PIGK: variants seen among roughly 807,000 people sequenced by gnomAD.
PIGK encodes phosphatidylinositol glycan anchor biosynthesis class K, also known as GPI-anchor transamidase.
In PIGK, 42 loss-of-function variants were observed where a neutral mutation model predicts 50.6. That is an observed-to-expected ratio of 0.83 (90% CI 0.65 to 1.07). The LOEUF (loss-of-function observed/expected upper bound fraction) is 1.07. Among genes scored for constraint, PIGK ranks in the 50% least tolerant of loss-of-function variants. PIGK has a pLI of 0.00. For synonymous variants in PIGK, 151 were observed against 156.0 expected, an observed-to-expected ratio of 0.97 and a Z score of 0.24; for missense variants, 448 against 488.7, an observed-to-expected ratio of 0.92 and a Z score of 0.78.
chr1:77,192,634 C>A (rs1239454836), intron 3 of PIGK, among the ~76,000 whole-genome samples: 1 of 151,794 alleles, frequency 6.6e-6, no homozygotes, highest in East Asian at 1.9e-4. Context: ...TAGTAGATAA[C>A]CACATTAAAA....
intron 3 of PIGK, among the ~76,000 whole-genome samples, chr1:77,196,450 T>C (rs576981870): frequency 6.6e-6 from 1 of 152,262 alleles, no homozygotes; most frequent in South Asian, 2.1e-4. Flanking sequence ...ACAGTGTAAA[T>C]GTGTCCCCTT....
At chr1:77,161,859 A>T in intron 6 of PIGK, 148 bp from the exon 7 acceptor site, 1 of 620,298 alleles carries the variant, frequency 1.6e-6, no homozygotes, top group South Asian at 2.0e-5. Context: ...CAGAAATTTG[A>T]CCTCAGAAAA....
In PIGK at chr1:77,212,386, T is replaced by C. The variant is rs370320420; in HGVS notation, c.94-1897A>G. Among the ~76,000 whole-genome samples the C allele has an allele frequency of 2.3e-4, 35 of 152,274 alleles. No individual in the cohort carries two copies. In the East Asian group the frequency reaches 5.6e-3, roughly 24 times the overall value. On this transcript the variant is annotated intron_variant, in intron 1 of 10. Coordinates refer to ENST00000370812, the MANE Select transcript of PIGK (RefSeq NM_005482.3). ...ATAATATTATCTGACTCAGAGAATG[T>C]AGGAATAGTGACTGGAACATACTAC...
intron 10 of PIGK, among the ~76,000 whole-genome samples, chr1:77,116,671 G>A (rs1653980628): frequency 1.3e-5 from 2 of 151,648 alleles, no homozygotes. Context: ...TGTCACAACA[G>A]AAATAATAGT....
At chr1:77,200,952 G>A (rs998390587) in intron 3 of PIGK, among the ~76,000 whole-genome samples, 3 of 152,144 alleles carry the variant, frequency 2.0e-5, no homozygotes, top group Admixed American at 1.3e-4. Context: ...TTACAAGAGA[G>A]GGAGGGGAAT....
chr1:77,210,109 C>T (rs1011519582), intron 2 of PIGK, among the ~76,000 whole-genome samples: 3 of 151,974 alleles, frequency 2.0e-5, no homozygotes, highest in African/African-American at 7.2e-5. Flanking sequence ...TATCTATCAA[C>T]TAATACTATA....
At chr1:77,186,742 C>T (rs562350409) in intron 3 of PIGK, among the ~76,000 whole-genome samples, 10 of 152,232 alleles carry the variant, frequency 6.6e-5, no homozygotes, top group Non-Finnish European at 1.3e-4. Flanking sequence ...GGAGGTTACA[C>T]AGGAGTTCAG....
chr1:77,140,349 C>T (rs1004189299), intron 9 of PIGK, among the ~76,000 whole-genome samples: 15 of 151,964 alleles, frequency 9.9e-5, no homozygotes, highest in Admixed American at 3.9e-4. Flanking sequence ...CCCCCTGCCC[C>T]GCTCACTTAC....
At chr1:77,194,218 T>C (rs561988153) in intron 3 of PIGK, among the ~76,000 whole-genome samples, 1 of 152,302 alleles carries the variant, frequency 6.6e-6, no homozygotes, top group South Asian at 2.1e-4. Context: ...GGAATGTTTA[T>C]ACACTGCTGG....
intron 3 of PIGK, among the ~76,000 whole-genome samples, chr1:77,184,390 G>A (rs1655693545): frequency 6.6e-6 from 1 of 152,150 alleles, no homozygotes; most frequent in Non-Finnish European, 1.5e-5. Context: ...TGGGATGAAG[G>A]GGAGGTCAGG....
intron 3 of PIGK, among the ~76,000 whole-genome samples, chr1:77,203,573 A>G (rs1364005553): frequency 6.6e-6 from 1 of 152,184 alleles, no homozygotes; most frequent in Non-Finnish European, 1.5e-5. Flanking sequence ...CCCTGAGTCA[A>G]TATTTTCAAA....
intron 9 of PIGK, among the ~76,000 whole-genome samples, chr1:77,148,772 T>C (rs1654827220): frequency 6.6e-6 from 1 of 151,738 alleles, no homozygotes; most frequent in African/African-American, 2.4e-5. Flanking sequence ...TGGAGTGCAG[T>C]GGCGCGATCT....
chr1:77,179,930 A>G (rs767636854), intron 3 of PIGK, among the ~76,000 whole-genome samples: 1 of 152,112 alleles, frequency 6.6e-6, no homozygotes, highest in Non-Finnish European at 1.5e-5. Context: ...TTGATAACTC[A>G]AAGTGTCTTT....
chr1:77,110,504 A>G (rs551203107), intron 10 of PIGK, among the ~76,000 whole-genome samples: 4 of 152,102 alleles, frequency 2.6e-5, no homozygotes, highest in Non-Finnish European at 5.9e-5. Context: ...AAACAAGAAC[A>G]AGGGAAAGGA....
chr1:77,139,917 G>A (rs544351480), intron 9 of PIGK, among the ~76,000 whole-genome samples: 1 of 151,950 alleles, frequency 6.6e-6, no homozygotes, highest in Non-Finnish European at 1.5e-5. Flanking sequence ...TTTTTGTTCC[G>A]AGAAAGTGAA....
At chr1:77,187,123 TG>T (rs1182940976) in intron 3 of PIGK, among the ~76,000 whole-genome samples, 1 of 152,186 alleles carries the variant, frequency 6.6e-6, no homozygotes. Flanking sequence ...CTCGTGCTCA[TG>T]GAATTCACTG....
rs181380743 is a variant in PIGK, at chr1:77,146,614, G to A, written c.986+7835C>T. Among the ~76,000 whole-genome samples the A allele has an allele frequency of 1.0e-3, 156 of 152,122 alleles. No individual in the cohort carries two copies. The Middle Eastern group carries it at 0.014, about 13-fold the overall frequency. On this transcript the variant is annotated intron_variant, in intron 9 of 10. Coordinates refer to ENST00000370812, the MANE Select transcript of PIGK (RefSeq NM_005482.3). ...AGTTCGAGGCCAGCCTGGGCAACAC[G>A]GCGAAACCCCGTCTCTACTAAAATA...
chr1:77,195,206 A>C, intron 3 of PIGK: 1 of 1,198,372 alleles, frequency 8.3e-7, no homozygotes, highest in South Asian at 1.2e-5. Flanking sequence ...GGCGATGAGA[A>C]AGGTGCTGGA....
At chr1:77,124,374 C>T (rs1417046051) in intron 9 of PIGK, among the ~76,000 whole-genome samples, 1 of 152,020 alleles carries the variant, frequency 6.6e-6, no homozygotes, top group Non-Finnish European at 1.5e-5. Flanking sequence ...TTTGGGAGGC[C>T]GAGGCGGGTG....
Sources: allele counts gnomAD v4.1 joint callset (sites outside exome capture counted in the v4.1 genomes callset), GRCh38; gene constraint gnomAD v4.1.1; transcripts MANE v1.5; gene names NCBI Gene and HGNC (gene_info 2026-07-23, HGNC 2026-07-21).